Variants in SLC39A10 observed in about 807,000 individuals in gnomAD.
SLC39A10 encodes solute carrier family 39 member 10.
Under a neutral mutation model 65.1 loss-of-function variants are expected in SLC39A10, and 13 were observed. The ratio of observed to expected loss-of-function variants is 0.20; its 90% CI spans 0.13 to 0.32. The LOEUF (loss-of-function observed/expected upper bound fraction) is 0.32. Among genes scored for constraint, SLC39A10 ranks in the 10% least tolerant of loss-of-function variants. SLC39A10 has a pLI of 1.00. For missense variants in SLC39A10, 831 were observed against 1,018.4 expected (o/e 0.82, Z 2.50); for synonymous variants, 321 against 342.2 (o/e 0.94, Z 0.68).
intron 2 of SLC39A10, among the ~76,000 whole-genome samples, chr2:195,638,379 G>A (rs1049493315): frequency 7.2e-5 from 11 of 151,810 alleles, no homozygotes; most frequent in South Asian, 4.2e-4. Context: ...TCACTCTGTC[G>A]CCCAGGCTGG....
intron 1 of SLC39A10, among the ~76,000 whole-genome samples, chr2:195,675,037 A>G (rs750061400): frequency 6.6e-6 from 1 of 152,166 alleles, no homozygotes; most frequent in Non-Finnish European, 1.5e-5. Flanking sequence ...ATTACTATAC[A>G]CTACTGTAAA....
intron 2 of SLC39A10, among the ~76,000 whole-genome samples, chr2:195,619,715 C>A (rs1464953190): frequency 6.6e-6 from 1 of 151,504 alleles, no homozygotes; most frequent in African/African-American, 2.4e-5. Context: ...GCAAATGGAG[C>A]ATGTAATGAA....
At position 195,714,279 on chromosome 2, in the gene SLC39A10, A is replaced by G. The variant is rs192960929; in HGVS notation, c.1696+726A>G. On this transcript the variant is annotated intron_variant, in intron 6 of 9. Coordinates refer to ENST00000359634, the MANE Select transcript of SLC39A10 (RefSeq NM_020342.3). ...GTCTAGCTTGCTAGTGTCTCCTCCT[A>G]TGAAAAAAGGTAGATGTTTGGACAT... Among the ~76,000 whole-genome samples, 1,332 of 152,248 alleles carry G rather than the reference A, an allele frequency of 8.7e-3. 10 individuals are homozygous for G. Among genetic ancestry groups the G allele is most frequent in the Middle Eastern group, 0.02 (6 of 294 alleles).
intron 2 of SLC39A10, among the ~76,000 whole-genome samples, chr2:195,643,199 G>C (rs924008892): frequency 6.6e-6 from 1 of 152,186 alleles, no homozygotes; most frequent in African/African-American, 2.4e-5. Flanking sequence ...AGTGACAATT[G>C]GATTTAGTAA....
At chr2:195,685,553 A>C (rs1055499903) in intron 3 of SLC39A10, among the ~76,000 whole-genome samples, 10 of 152,092 alleles carry the variant, frequency 6.6e-5, no homozygotes, top group African/African-American at 2.2e-4. Context: ...TAAACTACTG[A>C]TAATAGATTG....
chr2:195,716,603 T>G, intron 6 of SLC39A10, 34 bp from the exon 7 acceptor site: 6 of 1,536,666 alleles, frequency 3.9e-6, no homozygotes, highest in Non-Finnish European at 3.5e-6. Flanking sequence ...TGCATTTAAT[T>G]ATTGATAAAG....
chr2:195,719,172 A>T (rs376764652), intron 8 of SLC39A10, among the ~76,000 whole-genome samples: 4 of 150,562 alleles, frequency 2.7e-5, no homozygotes, highest in Non-Finnish European at 4.4e-5. Context: ...ATTTGCCCTT[A>T]GAAATGAGCG....
chr2:195,660,330 G>T (rs937398427), intron 1 of SLC39A10, among the ~76,000 whole-genome samples: 6 of 152,170 alleles, frequency 3.9e-5, no homozygotes, highest in South Asian at 4.1e-4. Context: ...AAATGGAAGA[G>T]AAATGTAGGG....
chr2:195,650,342 T>C (rs1391359876), intron 2 of SLC39A10, among the ~76,000 whole-genome samples: 2 of 151,702 alleles, frequency 1.3e-5, no homozygotes, highest in Non-Finnish European at 2.9e-5. Context: ...TTCATGGCAC[T>C]ATGACGTGGG....
intron 2 of SLC39A10, among the ~76,000 whole-genome samples, chr2:195,647,714 A>T (rs1041940086): frequency 1.3e-5 from 2 of 151,218 alleles, no homozygotes; most frequent in Non-Finnish European, 2.9e-5. Context: ...CACCACCACC[A>T]CCACCACGAG....
At chr2:195,621,277 A>G (rs562531971) in intron 2 of SLC39A10, among the ~76,000 whole-genome samples, 5 of 152,332 alleles carry the variant, frequency 3.3e-5, no homozygotes, top group Non-Finnish European at 5.9e-5. Flanking sequence ...TGTAGTACAT[A>G]TAGATATACT....
chr2:195,693,544 C>T (rs530889953), intron 3 of SLC39A10, among the ~76,000 whole-genome samples: 1 of 152,018 alleles, frequency 6.6e-6, no homozygotes, highest in South Asian at 2.1e-4. Flanking sequence ...TGTATATTTC[C>T]AGGAATTTAT....
intron 2 of SLC39A10, among the ~76,000 whole-genome samples, chr2:195,641,149 G>A (rs141420885): frequency 1.6e-4 from 25 of 152,318 alleles, no homozygotes; most frequent in African/African-American, 5.5e-4. Flanking sequence ...TGCAAACCTT[G>A]TGCTGTGGTG....
At chr2:195,704,228 G>C (rs141093083) in intron 3 of SLC39A10, among the ~76,000 whole-genome samples, 1 of 152,104 alleles carries the variant, frequency 6.6e-6, no homozygotes, top group East Asian at 1.9e-4. Flanking sequence ...ACATTTTCAA[G>C]TTCTTAATTG....
chr2:195,681,406 G>A (rs2105772044), intron 2 of SLC39A10, among the ~76,000 whole-genome samples: 1 of 152,100 alleles, frequency 6.6e-6, no homozygotes, highest in Middle Eastern at 3.4e-3. Context: ...GGCGCCTGTA[G>A]CCCCAGCTAC....
chr2:195,709,951 C>T (rs982252821), intron 5 of SLC39A10, among the ~76,000 whole-genome samples: 3 of 152,086 alleles, frequency 2.0e-5, no homozygotes, highest in Non-Finnish European at 2.9e-5. Flanking sequence ...TGTTTTCACA[C>T]TTCTTACTGG....
intron 7 of SLC39A10, 136 bp from the exon 8 acceptor site, chr2:195,718,116 G>T (rs1468995581): frequency 1.8e-6 from 1 of 559,238 alleles, no homozygotes; most frequent in Non-Finnish European, 3.2e-6. Context: ...AAAAACTATA[G>T]TGTGTAAGAT....
intron 1 of SLC39A10, among the ~76,000 whole-genome samples, chr2:195,678,500 T>C (rs573356367): frequency 1.3e-4 from 20 of 152,162 alleles, no homozygotes; most frequent in African/African-American, 4.8e-4. Context: ...AAGTTCCTTA[T>C]ATATTTTTGA....
intron 3 of SLC39A10, among the ~76,000 whole-genome samples, chr2:195,697,631 G>A (rs937287203): frequency 6.6e-6 from 1 of 152,008 alleles, no homozygotes; most frequent in African/African-American, 2.4e-5. Flanking sequence ...CCCTCATAGA[G>A]GGGACAGCCT....
Sources: allele counts gnomAD v4.1 joint callset (sites outside exome capture counted in the v4.1 genomes callset), GRCh38; gene constraint gnomAD v4.1.1; transcripts MANE v1.5; gene names NCBI Gene and HGNC (gene_info 2026-07-23, HGNC 2026-07-21).